The following NCL variants were observed in gnomAD, a reference collection of about 807,000 sequenced individuals.
NCL encodes the protein nucleolin multifunctional protein.
Under a neutral mutation model 77.7 loss-of-function variants are expected in NCL, and 4 were observed. The observed-to-expected ratio is 0.05, with a 90% CI of 0.03 to 0.12. The LOEUF is 0.12. Among genes scored for constraint, NCL ranks in the 10% least tolerant of loss-of-function variants. The pLI, the probability that NCL is intolerant of heterozygous loss-of-function variation, is 1.00. For missense variants in NCL, 763 were observed against 860.9 expected, an observed-to-expected ratio of 0.89 and a Z score of 1.42; for synonymous variants, 344 against 297.8, an observed-to-expected ratio of 1.16 and a Z score of -1.60.
intron 5 of NCL, 91 bp from the exon 6 acceptor site, chr2:231,460,384 C>T: frequency 6.3e-7 from 1 of 1,592,832 alleles, no homozygotes; most frequent in Non-Finnish European, 8.6e-7. Flanking sequence ...CATCAGCACA[C>T]TACAATGTAA....
chr2:231,460,981 A>G (rs12996154), intron 3 of NCL, 115 bp from the exon 4 acceptor site: 2 of 893,838 alleles, frequency 2.2e-6, no homozygotes, highest in African/African-American at 1.7e-5. Context: ...AGTCATGGCA[A>G]GAATAGATCA....
chr2:231,454,747 G>A lies in NCL; in HGVS notation c.*444C>T, dbSNP rs762868935. 2.5e-5 allele frequency: 4 copies of A among 160,042 alleles called. No homozygotes were observed. The highest frequency in any genetic ancestry group is 4.8e-5 in the African/African-American group (2 of 41,262). The allele number at this position is 160,042 out of a possible 1,614,324, so 9.9% of individuals were successfully genotyped here. A position where few individuals can be genotyped will look rare whatever the true frequency, so the allele number is the denominator to read the frequency against. ...GGAAACACTCTTTAGGAAGTAACAC[G>A]TCTGGCACCAGAGTTGACTTTTAAT... is the stretch of plus-strand genomic sequence containing the variant. On this transcript the variant is annotated 3_prime_UTR_variant, in exon 14 of 14. Coordinates refer to ENST00000322723, the MANE Select transcript of NCL (RefSeq NM_005381.3).
chr2:231,459,209 G>A, intron 6 of NCL, 84 bp from the exon 7 acceptor site: 3 of 1,361,942 alleles, frequency 2.2e-6, no homozygotes, highest in African/African-American at 1.5e-5. Context: ...CAAATGTGAT[G>A]GTGCAAACAA....
At chr2:231,458,157 A>C (rs929381955) in intron 8 of NCL, 109 bp downstream of exon 8, 3 of 1,432,646 alleles carry the variant, frequency 2.1e-6, no homozygotes, top group African/African-American at 1.4e-5. Flanking sequence ...TTACAGGTTA[A>C]ACTGTCCAAG....
At chr2:231,459,314 G>C (rs1309534468) in intron 6 of NCL, among the ~76,000 whole-genome samples, 189 bp from the exon 7 acceptor site, 2 of 152,174 alleles carry the variant, frequency 1.3e-5, no homozygotes, top group African/African-American at 4.8e-5. Context: ...ATGAAGATAT[G>C]ACATGCACAT....
rs746190297 is a variant in NCL at position 231,460,723 on chromosome 2, C to T, written c.757G>A (p.Asp253Asn). The stretch of plus-strand genomic sequence containing the variant: ...TCATCTTCATCATCATCATCTTCAT[C>T]ATCTTCGTCGTCGTCGTCATCCTCG... ...EDEDDDDDED[D>N]EDDDDEDDEE... Residue 253 changes from aspartate (D) to asparagine (N), a missense_variant, in exon 4 of 14, where the codon GAT (aspartate) becomes AAT (asparagine). Around this residue, in one of 2 missense-constraint regions of NCL, gnomAD observed 590 missense variants for 570.5 expected, o/e 1.03. Transcript: ENST00000322723. The T allele has an allele frequency of 6.2e-7, 1 of 1,612,492 alleles. No individual in the cohort carries two copies. The highest frequency in any genetic ancestry group is 1.7e-5 in the Admixed American group (1 of 60,020).
At position 231,459,044 on chromosome 2, in the gene NCL, A is replaced by G. The variant is rs542981345; in HGVS notation, c.1122T>C (p.Asn374=). 8.1e-6 allele frequency: 13 copies of G among 1,602,654 alleles called. No individual in the cohort carries two copies. In the South Asian group the frequency reaches 1.1e-4, roughly 14 times the overall value. The change falls in exon 7 of 14, where the codon AAT becomes AAC. Residue 374 remains asparagine, a synonymous_variant. Coordinates refer to ENST00000322723, the MANE Select transcript of NCL (RefSeq NM_005381.3). ...CTTTTGGTTTCTCTAGTTTAATTTCATTGCCAAAGACTTTCAAACCAGTGA... is the reference window on the plus strand; with the variant it reads ...CTTTTGGTTTCTCTAGTTTAATTTCGTTGCCAAAGACTTTCAAACCAGTGA... The part of the protein sequence containing the change: ...LELTGLKVFG[N]EIKLEKPKGK...
At chr2:231,458,243 A>G (rs1559540998) in intron 8 of NCL, 23 bp downstream of exon 8, 22 of 1,596,214 alleles carry the variant, frequency 1.4e-5, no homozygotes, top group Non-Finnish European at 1.7e-5. Context: ...TAAAACCCTT[A>G]CATTTCAATA....
At chr2:231,462,461 C>G (rs2125637880) in intron 2 of NCL, 1 of 449,636 alleles carries the variant, frequency 2.2e-6, no homozygotes, top group Non-Finnish European at 4.5e-6. Context: ...CCCAGTGAAG[C>G]TCAATTCTTA....
At chr2:231,458,034 T>C (rs1026893452) in intron 8 of NCL, among the ~76,000 whole-genome samples, 3 of 152,380 alleles carry the variant, frequency 2.0e-5, no homozygotes, top group Admixed American at 6.5e-5. Flanking sequence ...TTACAAAGTA[T>C]TTATTGTAAG....
intron 2 of NCL, 193 bp downstream of exon 2, chr2:231,463,007 G>C: frequency 3.6e-6 from 2 of 559,766 alleles, no homozygotes; most frequent in Non-Finnish European, 3.2e-6. Flanking sequence ...CCCAGATCTC[G>C]TCTTACACTC....
chr2:231,460,557 G>A lies in NCL; in HGVS notation c.819C>T (p.Val273=). 6.2e-7 allele frequency: 1 copy of A among 1,614,088 alleles called. No homozygotes were observed. The stretch of plus-strand genomic sequence containing the variant: ...TCTTTCGTTTTCCAGGTGCTTCTTT[G>A]ACAGGCTCTGGACAAGATGTCAAAC... The part of the protein sequence containing the change: ...EEEEEEEEEP[V]KEAPGKRKKE... Residue 273 remains valine (V), a synonymous_variant, in exon 5 of 14, where the codon GTC becomes GTT. Coordinates refer to ENST00000322723, the MANE Select transcript of NCL (RefSeq NM_005381.3).
At position 231,458,174 on chromosome 2, in the gene NCL, C is replaced by T. The variant is rs935557997; in HGVS notation, c.1289+92G>A. On this transcript the variant is annotated intron_variant, in intron 8 of 13. Coordinates refer to ENST00000322723, the MANE Select transcript of NCL (RefSeq NM_005381.3). ...ACAGGTTAAACTGTCCAAGATTACA[C>T]GCCTAAGGAAATCAAACCAATATTT... 59 of 1,510,414 alleles carry T rather than the reference C, an allele frequency of 3.9e-5. No homozygotes were observed. In the Middle Eastern group the frequency reaches 5.5e-4, roughly 14 times the overall value. The allele number at this position is 1,510,414 out of a possible 1,614,324, so 93.6% of individuals were successfully genotyped here. A position where few individuals can be genotyped will look rare whatever the true frequency, so the allele number is the denominator to read the frequency against.
In NCL at chr2:231,454,912, GA is replaced by G. The variant is rs1021558053; in HGVS notation, c.*278del. 9.8e-6 allele frequency: 3 copies of G among 305,514 alleles called. No individual in the cohort carries two copies. The highest frequency in any genetic ancestry group is 4.3e-5 in the African/African-American group (2 of 46,220). 18.9% of individuals were successfully genotyped at this position (305,514 alleles called of 1,614,324 possible). A position where few individuals can be genotyped will look rare whatever the true frequency, so the allele number is the denominator to read the frequency against. ...ACAACAAAACCCAAACTATTTGTAG[GA>G]AAAAATGGTTTTGTACATGGGATGA... On this transcript the variant is annotated 3_prime_UTR_variant, in exon 14 of 14. Coordinates refer to ENST00000322723, the MANE Select transcript of NCL (RefSeq NM_005381.3).
intron 12 of NCL, 26 bp downstream of exon 12, chr2:231,455,984 G>A (rs1254360458): frequency 9.9e-6 from 16 of 1,614,196 alleles, no homozygotes; most frequent in Non-Finnish European, 1.4e-5. Flanking sequence ...TCAAGTGGAA[G>A]CAGCACTCAC....
At chr2:231,455,754 A>C (rs778039098) in intron 12 of NCL, 130 bp from the exon 13 acceptor site, 1 of 1,226,518 alleles carries the variant, frequency 8.2e-7, no homozygotes, top group Non-Finnish European at 1.2e-6. Flanking sequence ...CCAGTGACAG[A>C]GTAGCTCTCT....
rs1206191875 is a variant in NCL at position 231,461,546 on chromosome 2, C to T, written c.607G>A (p.Glu203Lys). The change falls in exon 3 of 14, where the codon GAA becomes AAA. Residue 203 changes from glutamate to lysine, a missense_variant. By Grantham distance (56) the Glu-to-Lys change is moderately conservative. Around this residue, in one of 2 missense-constraint regions of NCL, gnomAD observed 590 missense variants for 570.5 expected, o/e 1.03. Transcript: ENST00000322723. Reference protein sequence around the residue: ...EDDEDDDDDEEDDSEEEAMET... With the variant: ...EDDEDDDDDEKDDSEEEAMET... ...TACCAAGACAACTCCTTACCATCTT[C>T]CTCATCGTCATCGTCATCCTCATCA... 9 of 1,613,392 alleles carry T rather than the reference C, an allele frequency of 5.6e-6. No individual in the cohort carries two copies. The highest frequency in any genetic ancestry group is 7.6e-6 in the Non-Finnish European group (9 of 1,179,684).
At chr2:231,461,276 C>CA (rs1182116259) in intron 3 of NCL, among the ~76,000 whole-genome samples, 1 of 132,764 alleles carries the variant, frequency 7.5e-6, no homozygotes, top group Non-Finnish European at 1.6e-5. Context: ...AGCTCCATCT[C>CA]AAAAAAATTT....
At chr2:231,458,134 C>T in intron 8 of NCL, 132 bp downstream of exon 8, 3 of 1,230,878 alleles carry the variant, frequency 2.4e-6, no homozygotes, top group Admixed American at 2.6e-5. Flanking sequence ...AGATGGGTTA[C>T]TGAGGCACAA....
Sources: allele counts gnomAD v4.1 joint callset (sites outside exome capture counted in the v4.1 genomes callset), GRCh38; gene constraint gnomAD v4.1.1; regional missense constraint gnomAD v4.1.1; transcripts MANE v1.5; gene names NCBI Gene and HGNC (gene_info 2026-07-23, HGNC 2026-07-21).